TAF6: variants seen among roughly 807,000 people sequenced by gnomAD.
TAF6 encodes transcription initiation factor TFIID subunit 6.
TAF6 carries 50 observed loss-of-function variants against 73.5 expected under a neutral mutation model. That is an observed-to-expected ratio of 0.68 (90% CI 0.54 to 0.86). TAF6 has a LOEUF of 0.86. Among genes scored for constraint, TAF6 ranks in the 40% least tolerant of loss-of-function variants. The probability of loss-of-function intolerance (pLI) is 0.00; values close to 1 mark genes in which losing one functional copy is unlikely to be tolerated. For missense variants in TAF6, 768 were observed against 899.5 expected (o/e 0.85, Z 1.87); for synonymous variants, 424 against 376.7 (o/e 1.13, Z -1.45).
chr7:100,107,774 G>A (rs181206586), intron 14 of TAF6, 151 bp from the exon 15 acceptor site: 1 of 1,390,038 alleles, frequency 7.2e-7, no homozygotes, highest in African/African-American at 1.5e-5. Flanking sequence ...GTTCATGCAG[G>A]GCAGCTACAG....
chr7:100,117,541 G>A (rs1043601164), intron 1 of TAF6, among the ~76,000 whole-genome samples: 1 of 151,494 alleles, frequency 6.6e-6, no homozygotes, highest in South Asian at 2.1e-4. Context: ...CAAAGTGCTG[G>A]GATTACAGGC....
At chr7:100,108,236 G>A in intron 13 of TAF6, 113 bp from the exon 14 acceptor site, 1 of 1,456,198 alleles carries the variant, frequency 6.9e-7, no homozygotes, top group Non-Finnish European at 9.1e-7. Flanking sequence ...TAGGGCTGGG[G>A]CATCCTCACT....
upstream of TAF6, chr7:100,122,494 G>C: frequency 6.2e-7 from 1 of 1,614,074 alleles, no homozygotes; most frequent in Non-Finnish European, 8.5e-7. Flanking sequence ...GACAAGGCTG[G>C]AAGAGGCCTT....
chr7:100,110,315 A>G, intron 10 of TAF6, 41 bp from the exon 11 acceptor site: 1 of 1,606,238 alleles, frequency 6.2e-7, no homozygotes, highest in East Asian at 2.2e-5. Context: ...AGGGGTCTGA[A>G]AGGATGATTG....
intron 1 of TAF6, chr7:100,116,413 CG>C (rs1258570032): frequency 1.3e-5 from 2 of 151,878 alleles, no homozygotes; most frequent in African/African-American, 4.8e-5. Context: ...CGAAGGTGGG[CG>C]GATCACTTGA....
In TAF6 at chr7:100,112,209, G is replaced by C. The variant is rs991960905; in HGVS notation, c.619C>G (p.Arg207Gly). Reference sequence around the variant, plus strand: ...TCGTGGATGCTCCGGGGCTTCAGTCGCAAGGGGGCCCCCTCCAGCAAGGGC... The same window carrying C: ...TCGTGGATGCTCCGGGGCTTCAGTCCCAAGGGGGCCCCCTCCAGCAAGGGC... ...APPLLEGAPL[R>G]LKPRSIHELS... is the part of the protein sequence containing the mutation. Residue 207 changes from arginine (R) to glycine (G), a missense_variant, in exon 7 of 15, where the codon CGA (arginine) becomes GGA (glycine). Arg to Gly is a moderately radical substitution (Grantham distance 125, BLOSUM62 -2). Transcript: ENST00000453269. 5.0e-6 allele frequency: 8 copies of C among 1,614,140 alleles called. No individual in the cohort carries two copies. Among genetic ancestry groups the C allele is most frequent in the Non-Finnish European group, 6.8e-6 (8 of 1,180,004 alleles).
upstream of TAF6, chr7:100,124,521 C>A (rs760726881): frequency 6.2e-7 from 1 of 1,611,454 alleles, no homozygotes; most frequent in South Asian, 1.1e-5. Flanking sequence ...CAGTGTGAGA[C>A]CATGTTGGAG....
intron 1 of TAF6, among the ~76,000 whole-genome samples, chr7:100,118,059 A>C (rs2116861958): frequency 6.7e-6 from 1 of 150,294 alleles, no homozygotes; most frequent in Middle Eastern, 3.5e-3. Flanking sequence ...AAAAAAAAAA[A>C]AACAAAAAAA....
intron 1 of TAF6, chr7:100,118,802 T>G: frequency 1.0e-6 from 1 of 975,546 alleles, no homozygotes; most frequent in Non-Finnish European, 1.2e-6. Flanking sequence ...ACAAATTGGT[T>G]CTTTTCAAAC....
Position 100,111,123 on chromosome 7 carries a change from A to G in TAF6, c.1083+16T>C, listed in dbSNP as rs1797148382. On this transcript the variant is annotated intron_variant, in intron 10 of 14. Coordinates refer to ENST00000453269, the MANE Select transcript of TAF6 (RefSeq NM_139315.3). Reference sequence around the variant, plus strand: ...CCAGTGATGAAGCAAATGACGCTCAAGTTTTCCTGGCTCACCTTGGTGAAG... The same window carrying G: ...CCAGTGATGAAGCAAATGACGCTCAGGTTTTCCTGGCTCACCTTGGTGAAG... 1 of 1,609,416 alleles carries G rather than the reference A, an allele frequency of 6.2e-7. No homozygotes were observed. The highest frequency in any genetic ancestry group is 2.2e-5 in the East Asian group (1 of 44,748).
At chr7:100,119,799 G>T (rs1308868537), upstream of TAF6, 3 of 1,614,154 alleles carry the variant, frequency 1.9e-6, no homozygotes, top group Non-Finnish European at 1.7e-6. Context: ...CGTGCACGAG[G>T]CTTGGGCTGG....
chr7:100,107,509 C>T lies in TAF6; in HGVS notation c.1771G>A (p.Ala591Thr), dbSNP rs762614153. 21 of 1,613,838 alleles carry T rather than the reference C, an allele frequency of 1.3e-5. No homozygotes were observed. Among genetic ancestry groups the T allele is most frequent in the Middle Eastern group, 3.3e-4 (2 of 6,076 alleles). Residue 591 changes from alanine (A) to threonine (T), a missense_variant, in exon 15 of 15, where the codon GCA (alanine) becomes ACA (threonine). Ala to Thr is a moderately conservative substitution (Grantham distance 58). Around this residue, in one of 5 missense-constraint regions of TAF6, gnomAD observed 350 missense variants for 352.3 expected, o/e 0.99. Transcript: ENST00000453269. ...CCAGAGGGAGCAGTGCTGGGGGGTG[C>T]GGTGGTGGCGGTGGAGACCAACTTG... ...IVKLVSTATT[A>T]PPSTAPSGPG...
At chr7:100,113,842 C>CG in intron 3 of TAF6, 26 bp downstream of exon 3, 1 of 1,611,094 alleles carries the variant, frequency 6.2e-7, no homozygotes, top group Non-Finnish European at 8.5e-7. Context: ...CGTCTCACCC[C>CG]CCCCCCGCCT....
At chr7:100,120,645 C>T (rs537613812), upstream of TAF6, among the ~76,000 whole-genome samples, 3 of 152,330 alleles carry the variant, frequency 2.0e-5, no homozygotes, top group South Asian at 6.2e-4. Context: ...GTGTGCCGCT[C>T]TTCTCCCCTG....
chr7:100,121,948 A>G (rs577386058), upstream of TAF6: 22 of 263,722 alleles, frequency 8.3e-5, no homozygotes, highest in East Asian at 1.8e-3. Context: ...TACTCGGGAG[A>G]CTGAGGCAGG....
chr7:100,119,618 C>G (rs1050316245), upstream of TAF6: 45 of 1,583,522 alleles, frequency 2.8e-5, no homozygotes, highest in Non-Finnish European at 3.8e-5. Flanking sequence ...TGGGCTGATC[C>G]TGCGCATGCG....
upstream of TAF6, chr7:100,119,398 C>G (rs1797949236): frequency 6.1e-6 from 7 of 1,149,080 alleles, no homozygotes; most frequent in Non-Finnish European, 7.5e-6. Context: ...AAGAGCAAGT[C>G]ACTGCCCCTT....
chr7:100,111,890 C>T (rs758427966), intron 8 of TAF6, 32 bp downstream of exon 8: 47 of 1,613,838 alleles, frequency 2.9e-5, no homozygotes, highest in Non-Finnish European at 3.4e-5. Context: ...CTTCCACTGC[C>T]GTCCCTGCAC....
upstream of TAF6, chr7:100,122,894 C>A (rs1182109753): frequency 8.1e-6 from 13 of 1,612,518 alleles, no homozygotes; most frequent in Non-Finnish European, 1.0e-5. Flanking sequence ...AGGTCACATA[C>A]CTCAAGAAGC....
Sources: gnomAD v4.1 joint callset for allele counts (sites outside exome capture counted in the v4.1 genomes callset) on GRCh38, gnomAD v4.1.1 for gene constraint, gnomAD v4.1.1 regional missense constraint, MANE v1.5 for transcripts, NCBI Gene and HGNC (gene_info 2026-07-23, HGNC 2026-07-21) for gene names.